ARAP1: variants seen among roughly 807,000 people sequenced by gnomAD.
ARAP1 encodes arf-GAP with Rho-GAP domain, ANK repeat and PH domain-containing protein 1.
Under a neutral mutation model 172.2 loss-of-function variants are expected in ARAP1, and 76 were observed. That is an observed-to-expected ratio of 0.44 (90% CI 0.37 to 0.53). The LOEUF (loss-of-function observed/expected upper bound fraction) is 0.53, where lower values mean the gene tolerates loss of function less well. ARAP1 is among the 20% of genes least tolerant of loss of function. The probability of loss-of-function intolerance (pLI) is 0.00; values close to 1 mark genes in which losing one functional copy is unlikely to be tolerated. For missense variants in ARAP1, 1,686 were observed against 1,977.5 expected (o/e 0.85, Z 2.80); for synonymous variants, 804 against 803.3 (o/e 1.00, Z -0.01).
chr11:72,698,958 T>C, intron 18 of ARAP1, 47 bp downstream of exon 18: 1 of 1,596,282 alleles, frequency 6.3e-7, no homozygotes, highest in Non-Finnish European at 8.6e-7. Flanking sequence ...AGGCCCCACC[T>C]TCCCCAGTCA....
chr11:72,686,501 G>A (rs770895214), intron 33 of ARAP1, among the ~76,000 whole-genome samples: 13 of 152,122 alleles, frequency 8.5e-5, no homozygotes, highest in African/African-American at 1.2e-4. Context: ...AAAATCCACC[G>A]TTTCCCTTTA....
chr11:72,697,316 G>T lies in ARAP1; in HGVS notation c.2953+7C>A. The T allele has an allele frequency of 6.3e-7, 1 of 1,580,762 alleles. No individual in the cohort carries two copies. The highest frequency in any genetic ancestry group is 2.3e-5 in the East Asian group (1 of 43,302). ...GGCGGGGCTGGCACCCTAGGGGCAG[G>T]GCTCACCGCACTGCGTGATGTAGTC... is the stretch of plus-strand genomic sequence containing the variant. On this transcript the variant is annotated splice_region_variant and intron_variant, in intron 21 of 34. Transcript: ENST00000393609.
intron 2 of ARAP1, among the ~76,000 whole-genome samples, chr11:72,728,195 G>A (rs1857754437): frequency 6.6e-6 from 1 of 152,210 alleles, no homozygotes. Context: ...CTATCCATTT[G>A]TTGCCAATAA....
intron 6 of ARAP1, 31 bp from the exon 7 acceptor site, chr11:72,712,370 G>A: frequency 1.3e-6 from 2 of 1,540,674 alleles, no homozygotes; most frequent in Non-Finnish European, 1.8e-6. Context: ...GGGGGGCCGG[G>A]CTGAGGAGGC....
Position 72,686,121 on chromosome 11 carries a change from C to T in ARAP1, c.4256G>A (p.Ser1419Asn). 6.2e-7 allele frequency: 1 copy of T among 1,614,056 alleles called. No homozygotes were observed. Among genetic ancestry groups the T allele is most frequent in the Non-Finnish European group, 8.5e-7 (1 of 1,180,042 alleles). The change falls in exon 34 of 35, where the codon AGT becomes AAT. Residue 1419 changes from serine to asparagine, a missense_variant. Ser to Asn is a conservative substitution (Grantham distance 46). Around this residue, in one of 5 missense-constraint regions of ARAP1, gnomAD observed 379 missense variants for 500.1 expected, o/e 0.76. Coordinates refer to ENST00000393609, the MANE Select transcript of ARAP1 (RefSeq NM_001040118.3). ...ACCTCGAAGGGGGATCAGTGACACA[C>T]TACCCAGCCGGACCTCAGGCACTGC... ...SRAVPEVRLG[S>N]VSLIPLRGSE...
At chr11:72,735,470 C>T (rs1279399383) in intron 1 of ARAP1, among the ~76,000 whole-genome samples, 5 of 152,058 alleles carry the variant, frequency 3.3e-5, no homozygotes, top group Non-Finnish European at 5.9e-5. Flanking sequence ...GTGGTGGGTG[C>T]CTGTAATCCC....
intron 14 of ARAP1, 186 bp downstream of exon 14, chr11:72,703,966 T>A: frequency 2.8e-6 from 2 of 722,114 alleles, no homozygotes; most frequent in Non-Finnish European, 4.4e-6. Context: ...GCCTGGCTCC[T>A]CCCTGCATGG....
At position 72,714,257 on chromosome 11, in the gene ARAP1, C is replaced by G; in HGVS notation, c.574G>C (p.Glu192Gln). Residue 192 changes from glutamate to glutamine, a missense_variant, in exon 4 of 35, where the codon GAG (glutamate) becomes CAG (glutamine). Physicochemically the swap from Glu to Gln is conservative, Grantham distance 29. This residue lies in a region of ARAP1 where 155 missense variants were observed against 129.2 expected (regional missense o/e 1.20). Coordinates refer to ENST00000393609, the MANE Select transcript of ARAP1 (RefSeq NM_001040118.3). The part of the protein sequence containing the change: ...SLSSPPQPQS[E>Q]EPLSTLPQGP... ...TGGGGGAGGGTGGACAGGGGCTCCT[C>G]AGACTGTGGCTGGGGAGGGGATGAT... is the stretch of plus-strand genomic sequence containing the variant. The G allele has an allele frequency of 1.3e-6, 2 of 1,542,002 alleles. No homozygotes were observed. Among genetic ancestry groups the G allele is most frequent in the Non-Finnish European group, 1.7e-6 (2 of 1,144,526 alleles).
chr11:72,686,289 G>A (rs1855680723), intron 33 of ARAP1, 98 bp from the exon 34 acceptor site: 1 of 1,450,820 alleles, frequency 6.9e-7, no homozygotes, highest in Non-Finnish European at 9.3e-7. Context: ...TCCAGCTGTG[G>A]TCTGAGATGA....
intron 11 of ARAP1, among the ~76,000 whole-genome samples, chr11:72,709,131 A>G (rs1240715865): frequency 1.3e-5 from 2 of 152,110 alleles, no homozygotes; most frequent in Non-Finnish European, 2.9e-5. Context: ...GGAGCTGAAA[A>G]GGGGAGATGC....
At chr11:72,715,561 T>G (rs1171706060) in intron 3 of ARAP1, among the ~76,000 whole-genome samples, 1 of 145,820 alleles carries the variant, frequency 6.9e-6, no homozygotes, top group Non-Finnish European at 1.5e-5. Flanking sequence ...TCCACTAGTT[T>G]TTTAACTTCT....
At chr11:72,688,736 C>T in intron 30 of ARAP1, 199 bp from the exon 31 acceptor site, 1 of 563,888 alleles carries the variant, frequency 1.8e-6, no homozygotes, top group South Asian at 2.1e-5. Flanking sequence ...CCTAGGCCCC[C>T]AAGGCCTGTC....
chr11:72,722,102 T>C (rs1857537329), intron 3 of ARAP1: 7 of 985,266 alleles, frequency 7.1e-6, no homozygotes, highest in Non-Finnish European at 4.8e-6. Context: ...TCTACGTGCG[T>C]GTGTGTTTGT....
Position 72,705,857 on chromosome 11 carries a change from T to G in ARAP1, c.1757A>C (p.Lys586Thr). 6.2e-7 allele frequency: 1 copy of G among 1,614,130 alleles called. No individual in the cohort carries two copies. Among genetic ancestry groups the G allele is most frequent in the South Asian group, 1.1e-5 (1 of 91,086 alleles). Reference protein sequence around the residue: ...EHRGLGAGVSKVRSLKMDRKV... With the variant: ...EHRGLGAGVSTVRSLKMDRKV... ...CCTGTCCATCTTCAGGCTCCGCACC[T>G]TGGAGACGCCAGCGCCCAGGCCACG... The change falls in exon 13 of 35, where the codon AAG becomes ACG. Residue 586 changes from lysine to threonine, a missense_variant. By Grantham distance (78) the Lys-to-Thr change is moderately conservative (BLOSUM62 -1). Transcript: ENST00000393609.
Position 72,685,560 on chromosome 11 carries a change from C to T in ARAP1, c.*104G>A. 6.7e-7 allele frequency: 1 copy of T among 1,491,682 alleles called. No homozygotes were observed. 92.4% of individuals were successfully genotyped at this position (1,491,682 alleles called of 1,614,324 possible). A position where few individuals can be genotyped will look rare whatever the true frequency, so the allele number is the denominator to read the frequency against. Reference sequence around the variant, plus strand: ...GATGTGGGTTGTGGGGTGCAGTTTCCCATGCACCCCCCGCTGGCTCACATC... The same window carrying T: ...GATGTGGGTTGTGGGGTGCAGTTTCTCATGCACCCCCCGCTGGCTCACATC... On this transcript the variant is annotated 3_prime_UTR_variant, in exon 35 of 35. Transcript: ENST00000393609.
intron 5 of ARAP1, 87 bp downstream of exon 5, chr11:72,713,086 ACTC>A: frequency 7.4e-7 from 1 of 1,359,874 alleles, no homozygotes; most frequent in Non-Finnish European, 1.0e-6. Flanking sequence ...ATGGCTGCCC[ACTC>A]TCTGTCTGGT....
chr11:72,689,575 G>C (rs1412978727), intron 30 of ARAP1: 1 of 152,468 alleles, frequency 6.6e-6, no homozygotes, highest in Non-Finnish European at 1.5e-5. Context: ...GAAGTTTTGG[G>C]AACTGGTGGA....
chr11:72,747,619 T>C (rs760855643), intron 1 of ARAP1, among the ~76,000 whole-genome samples: 5 of 152,216 alleles, frequency 3.3e-5, no homozygotes, highest in Non-Finnish European at 7.3e-5. Context: ...CTTGCTTTCC[T>C]TGGCTGAGAG....
At chr11:72,696,435 C>G (rs1373358906) in intron 23 of ARAP1, 114 bp downstream of exon 23, 1 of 750,326 alleles carries the variant, frequency 1.3e-6, no homozygotes, top group Non-Finnish European at 2.1e-6. Flanking sequence ...AGATCACAGT[C>G]AGCACTTGGT....
Sources: allele counts gnomAD v4.1 joint callset (sites outside exome capture counted in the v4.1 genomes callset), GRCh38; gene constraint gnomAD v4.1.1; regional missense constraint gnomAD v4.1.1; transcripts MANE v1.5; gene names NCBI Gene and HGNC (gene_info 2026-07-23, HGNC 2026-07-21).